DRC11: variants seen among roughly 807,000 people sequenced by gnomAD.
DRC11 encodes the protein dynein regulatory complex subunit 11.
the DRC11 span, among the ~76,000 whole-genome samples, chr2:236,405,375 G>A: frequency 4.6e-5 from 7 of 151,592 alleles, no homozygotes; most frequent in Non-Finnish European, 1.0e-4. The surrounding 1 kb of genome is among the most constrained non-coding windows in gnomAD (Gnocchi z 4.6). Flanking sequence ...ATGATCTGTG[G>A]TTTGTTGCAT....
At chr2:236,466,340 C>T in the DRC11 span, among the ~76,000 whole-genome samples, 1 of 152,172 alleles carries the variant, frequency 6.6e-6, no homozygotes, top group Admixed American at 6.5e-5. Flanking sequence ...TTTATAATAT[C>T]ATAGACTGCA....
chr2:236,425,367 T>A, the DRC11 span, among the ~76,000 whole-genome samples: 1 of 152,022 alleles, frequency 6.6e-6, no homozygotes, highest in Non-Finnish European at 1.5e-5. Context: ...TGTGAAGTAA[T>A]ATCTCATTGT....
chr2:236,390,158 G>C, the DRC11 span, among the ~76,000 whole-genome samples: 1 of 152,088 alleles, frequency 6.6e-6, no homozygotes, highest in Non-Finnish European at 1.5e-5. The surrounding 1 kb of genome is among the most constrained non-coding windows in gnomAD (Gnocchi z 5.9). Flanking sequence ...TAGGTGCTTT[G>C]ATTAAAGGTG....
the DRC11 span, among the ~76,000 whole-genome samples, chr2:236,503,876 C>T: frequency 6.6e-6 from 1 of 152,088 alleles, no homozygotes; most frequent in African/African-American, 2.4e-5. This position sits in a 1 kb window ranked among gnomAD's most constrained non-coding sequence, Gnocchi z 4.9. Flanking sequence ...CCTCAAGCCT[C>T]TTTCTGCTTG....
the DRC11 span, among the ~76,000 whole-genome samples, chr2:236,374,891 G>C: frequency 5.4e-5 from 8 of 149,522 alleles, no homozygotes; most frequent in Admixed American, 4.0e-4. Flanking sequence ...AGTAGAGATG[G>C]GGTTTCTCCA....
the DRC11 span, among the ~76,000 whole-genome samples, chr2:236,381,991 A>G: frequency 6.6e-6 from 1 of 152,136 alleles, no homozygotes; most frequent in Non-Finnish European, 1.5e-5. This position sits in a 1 kb window ranked among gnomAD's most constrained non-coding sequence, Gnocchi z 5.8. Flanking sequence ...ATGAAGTCCA[A>G]TATTTCCTTT....
chr2:236,425,463 A>G, the DRC11 span, among the ~76,000 whole-genome samples: 1 of 151,932 alleles, frequency 6.6e-6, no homozygotes, highest in East Asian at 1.9e-4. Flanking sequence ...ATGTCTATTC[A>G]TGTCCTTTGC....
chr2:236,423,075 T>C, the DRC11 span, among the ~76,000 whole-genome samples: 10 of 150,670 alleles, frequency 6.6e-5, no homozygotes, highest in Non-Finnish European at 8.9e-5. Context: ...GACTTAAACG[T>C]TAGACCTAAA....
chr2:236,441,028 G>A, the DRC11 span: 8 of 1,438,222 alleles, frequency 5.6e-6, no homozygotes, highest in South Asian at 9.9e-5. Flanking sequence ...TATTTCTCAA[G>A]CATATTTGTA....
chr2:236,459,834 A>G, the DRC11 span, among the ~76,000 whole-genome samples: 13 of 152,060 alleles, frequency 8.5e-5, no homozygotes, highest in East Asian at 2.1e-3. Flanking sequence ...TACAACGAAC[A>G]TTACTTTTAA....
At chr2:236,493,757 G>A in the DRC11 span, 1 of 1,574,790 alleles carries the variant, frequency 6.4e-7, no homozygotes, top group Non-Finnish European at 8.6e-7. Context: ...TTGTTAAAAT[G>A]ATATACAAAC....
chr2:236,321,145 T>C, the DRC11 span, among the ~76,000 whole-genome samples: 1 of 152,214 alleles, frequency 6.6e-6, no homozygotes, highest in South Asian at 2.1e-4. Flanking sequence ...GAGTTAATCC[T>C]ACATACTTTT....
At chr2:236,338,495 C>G in the DRC11 span, 1 of 939,168 alleles carries the variant, frequency 1.1e-6, no homozygotes, top group African/African-American at 1.7e-5. Context: ...TTGCAAAGCT[C>G]TGACAAACAC....
chr2:236,415,864 T>C, the DRC11 span, among the ~76,000 whole-genome samples: 1 of 152,242 alleles, frequency 6.6e-6, no homozygotes, highest in Non-Finnish European at 1.5e-5. The surrounding 1 kb of genome is among the most constrained non-coding windows in gnomAD (Gnocchi z 5.7). Context: ...TGTGCATATT[T>C]AGAGGAAGAG....
At chr2:236,358,364 AATATATAG>A in the DRC11 span, among the ~76,000 whole-genome samples, 96 of 130,494 alleles carry the variant, frequency 7.4e-4, no homozygotes, top group Non-Finnish European at 1.3e-3. Context: ...ATGAATATAT[AATATATAG>A]ATATATATTT....
chr2:236,392,026 C>G, the DRC11 span: 5 of 1,614,020 alleles, frequency 3.1e-6, no homozygotes, highest in Non-Finnish European at 4.2e-6. This position sits in a 1 kb window ranked among gnomAD's most constrained non-coding sequence, Gnocchi z 5.1. Flanking sequence ...TCTCTGTCCA[C>G]AGCTAGCTTT....
At chr2:236,326,613 T>C in the DRC11 span, among the ~76,000 whole-genome samples, 1 of 152,212 alleles carries the variant, frequency 6.6e-6, no homozygotes, top group Non-Finnish European at 1.5e-5. Flanking sequence ...TTTGTAATAT[T>C]TTTTCATAAT....
chr2:236,352,362 G>C, the DRC11 span, among the ~76,000 whole-genome samples: 1 of 152,120 alleles, frequency 6.6e-6, no homozygotes, highest in African/African-American at 2.4e-5. This position sits in a 1 kb window ranked among gnomAD's most constrained non-coding sequence, Gnocchi z 7.0. Context: ...GCATGGGGTA[G>C]TCAGTGCCCA....
the DRC11 span, among the ~76,000 whole-genome samples, chr2:236,474,103 T>C: frequency 6.6e-6 from 1 of 152,152 alleles, no homozygotes; most frequent in East Asian, 1.9e-4. Context: ...TTTTTAAAAA[T>C]GGTTTCCAGC....
Sources: allele counts gnomAD v4.1 joint callset (sites outside exome capture counted in the v4.1 genomes callset), GRCh38; gene constraint gnomAD v4.1.1; non-coding constraint Gnocchi (gnomAD v3.1); transcripts MANE v1.5; gene names NCBI Gene and HGNC (gene_info 2026-07-23, HGNC 2026-07-21).